CFAP46: variants seen among roughly 807,000 people sequenced by gnomAD.
CFAP46 encodes the protein cilia and flagella associated protein 46.
In CFAP46, 245 loss-of-function variants were observed where a neutral mutation model predicts 325.7. The observed-to-expected ratio is 0.75, with a 90% CI of 0.68 to 0.84. The LOEUF (loss-of-function observed/expected upper bound fraction) is 0.84. Among genes scored for constraint, CFAP46 ranks in the 40% least tolerant of loss-of-function variants. The pLI is 0.00. For synonymous variants in CFAP46, 1,523 were observed against 1,495.9 expected (o/e 1.02, Z -0.42); for missense variants, 3,346 against 3,543.0 (o/e 0.94, Z 1.41).
At chr10:132,860,202 A>G (rs564602570) in intron 37 of CFAP46, among the ~76,000 whole-genome samples, 1 of 152,236 alleles carries the variant, frequency 6.6e-6, no homozygotes, top group Non-Finnish European at 1.5e-5. Context: ...CAGACGGGAC[A>G]TGTGGATGGA....
At chr10:132,855,011 G>A (rs1028034458) in intron 39 of CFAP46, among the ~76,000 whole-genome samples, 4 of 152,198 alleles carry the variant, frequency 2.6e-5, no homozygotes, top group African/African-American at 9.7e-5. Context: ...GTTGTTGGGT[G>A]AACGTTCTAG....
In CFAP46 at chr10:132,913,198, G is replaced by T. The variant is rs556772478; in HGVS notation, c.2181C>A (p.Ile727=). ...AMNNWLRSAE[I]GQEIQEAWIV... ...TCCACGCCTCCTGGATCTCCTGTCCGATCTCTGCGGAGCGCAGCCAGTTAT... is the reference window on the plus strand; with the variant it reads ...TCCACGCCTCCTGGATCTCCTGTCCTATCTCTGCGGAGCGCAGCCAGTTAT... Residue 727 remains isoleucine, a synonymous_variant, in exon 18 of 58, where the codon ATC becomes ATA. Transcript: ENST00000368586. 6.4e-7 allele frequency: 1 copy of T among 1,550,478 alleles called. No homozygotes were observed. The highest frequency in any genetic ancestry group is 8.7e-7 in the Non-Finnish European group (1 of 1,146,998).
At chr10:132,838,848 G>A (rs1034088219) in intron 44 of CFAP46, among the ~76,000 whole-genome samples, 6 of 152,256 alleles carry the variant, frequency 3.9e-5, no homozygotes, top group South Asian at 2.1e-4. Flanking sequence ...GAGGCCCAGG[G>A]AGCCTCAGCT....
In CFAP46 at chr10:132,913,899, A is replaced by T. The variant is rs775249827; in HGVS notation, c.2121-641T>A. ...TGGCCTGGTGCTCCCCTTTCCCAGC[A>T]GCCCCCTCGTTCCAGTTTGTCCTCA... On this transcript the variant is annotated intron_variant, in intron 17 of 57. Transcript: ENST00000368586. Among the ~76,000 whole-genome samples the T allele has an allele frequency of 1.7e-3, 255 of 147,070 alleles. 1 individual carries two copies. The highest frequency in any genetic ancestry group is 2.9e-3 in the Non-Finnish European group (191 of 66,910).
In CFAP46 at chr10:132,886,842, C is replaced by T. The variant is rs549328020; in HGVS notation, c.3305-883G>A. On this transcript the variant is annotated intron_variant, in intron 25 of 57. Coordinates refer to ENST00000368586, the MANE Select transcript of CFAP46 (RefSeq NM_001200049.3). The surrounding 1 kb of genome is among the most constrained non-coding windows in gnomAD (Gnocchi z 5.8). ...GTCTGTGCCTTGTTGCTGCCCCCGA[C>T]CCAACACAGCCATGGCGACTAGAAT... Among the ~76,000 whole-genome samples, 1 of 151,966 alleles carries T rather than the reference C, an allele frequency of 6.6e-6. No individual in the cohort carries two copies.
intron 17 of CFAP46, among the ~76,000 whole-genome samples, chr10:132,913,530 G>C (rs114002179): frequency 6.6e-6 from 1 of 152,176 alleles, no homozygotes; most frequent in Non-Finnish European, 1.5e-5. Flanking sequence ...TCTAGGCCGC[G>C]TGCTCCTTGC....
chr10:132,810,819 G>T, intron 56 of CFAP46, 131 bp downstream of exon 56: 1 of 862,220 alleles, frequency 1.2e-6, no homozygotes, highest in Non-Finnish European at 1.9e-6. Flanking sequence ...TGGAACGCAT[G>T]TGCACCCTGA....
intron 41 of CFAP46, 67 bp downstream of exon 41, chr10:132,850,177 C>A: frequency 6.8e-7 from 1 of 1,480,944 alleles, no homozygotes; most frequent in Non-Finnish European, 9.2e-7. Context: ...AAACACTTCG[C>A]TTGTGTTTTT....
rs1850101026 is a variant in CFAP46, at chr10:132,941,520, A to T, written c.306+71T>A. On this transcript the variant is annotated intron_variant, in intron 3 of 57. Transcript: ENST00000368586. ...CTAAGAACGATTTTAAGCCTGGTCT[A>T]GCCTGGCATTGCTCTGGAGATGGGG... 10 of 1,547,722 alleles carry T rather than the reference A, an allele frequency of 6.5e-6. No homozygotes were observed. The South Asian group carries it at 1.2e-4, about 19-fold the overall frequency.
chr10:132,911,794 G>A (rs1564798030), intron 19 of CFAP46, among the ~76,000 whole-genome samples: 1 of 152,168 alleles, frequency 6.6e-6, no homozygotes, highest in East Asian at 1.9e-4. Context: ...ATGTGTGGGT[G>A]GTGTGGTCCC....
At chr10:132,851,081 C>CT (rs1189433099) in intron 40 of CFAP46, 36 bp downstream of exon 40, 2 of 1,610,666 alleles carry the variant, frequency 1.2e-6, no homozygotes, top group Non-Finnish European at 1.7e-6. Context: ...TGGCCTGGCG[C>CT]TCCCTCCACC....
intron 9 of CFAP46, among the ~76,000 whole-genome samples, chr10:132,928,052 G>A (rs766466862): frequency 5.9e-5 from 9 of 152,196 alleles, no homozygotes; most frequent in East Asian, 1.9e-4. Flanking sequence ...GGCCACGGGC[G>A]GTGGGGGCAG....
At chr10:132,918,936 CG>C (rs971953863) in intron 15 of CFAP46, among the ~76,000 whole-genome samples, 28 of 152,322 alleles carry the variant, frequency 1.8e-4, no homozygotes, top group African/African-American at 6.5e-4. Context: ...TCTCCAGGGC[CG>C]GGTGCTGATT....
At position 132,827,309 on chromosome 10, in the gene CFAP46, C is replaced by T. The variant is rs1010529965; in HGVS notation, c.7117+6049G>A. ...GGGCACCCAGTGGGCCAGAATCAGA[C>T]GGAGAACAGCTATAAGCTGCCACGC... On this transcript the variant is annotated intron_variant, in intron 50 of 57. Transcript: ENST00000368586. The surrounding 1 kb of genome is among the most constrained non-coding windows in gnomAD (Gnocchi z 5.7). Among the ~76,000 whole-genome samples the T allele has an allele frequency of 1.9e-4, 29 of 152,082 alleles. No homozygotes were observed. The highest frequency in any genetic ancestry group is 5.8e-4 in the East Asian group (3 of 5,162).
intron 22 of CFAP46, among the ~76,000 whole-genome samples, chr10:132,907,753 T>C (rs1849476833): frequency 6.6e-6 from 1 of 152,130 alleles, no homozygotes; most frequent in Admixed American, 6.5e-5. Flanking sequence ...TTGATGGCCT[T>C]TGAGGGGGGT....
At chr10:132,822,747 TGCTGTGTGA>T in intron 50 of CFAP46, among the ~76,000 whole-genome samples, 1 of 141,270 alleles carries the variant, frequency 7.1e-6, no homozygotes, top group Non-Finnish European at 1.5e-5. Context: ...CAGTGATGTG[TGCTGTGTGA>T]GTGCTGATGT....
In CFAP46 at chr10:132,892,319, G is replaced by A. The variant is rs1477603140; in HGVS notation, c.3304+14C>T. ...GTACCTGGAGCCTGTGGGTCTGTCT[G>A]TCCTGCTACAAACCTGGAAGAAAAT... is the stretch of plus-strand genomic sequence containing the variant. On this transcript the variant is annotated intron_variant, in intron 25 of 57. Coordinates refer to ENST00000368586, the MANE Select transcript of CFAP46 (RefSeq NM_001200049.3). 1 of 1,550,370 alleles carries A rather than the reference G, an allele frequency of 6.5e-7. No individual in the cohort carries two copies.
chr10:132,916,189 G>A (rs1447968569), intron 17 of CFAP46, among the ~76,000 whole-genome samples: 1 of 152,192 alleles, frequency 6.6e-6, no homozygotes, highest in East Asian at 1.9e-4. Flanking sequence ...TCTATTTTCT[G>A]CCACGAAGAC....
intron 22 of CFAP46, among the ~76,000 whole-genome samples, chr10:132,900,014 T>C (rs1033907557): frequency 6.6e-6 from 1 of 152,162 alleles, no homozygotes; most frequent in Non-Finnish European, 1.5e-5. Context: ...ATCCAGCTAG[T>C]GGACCCTCAA....
Sources: allele counts gnomAD v4.1 joint callset (sites outside exome capture counted in the v4.1 genomes callset), GRCh38; gene constraint gnomAD v4.1.1; non-coding constraint Gnocchi (gnomAD v3.1); transcripts MANE v1.5; gene names NCBI Gene and HGNC (gene_info 2026-07-23, HGNC 2026-07-21).